Variants in POF1B observed in about 807,000 individuals in gnomAD.
POF1B encodes the protein POF1B actin binding protein.
A neutral mutation model predicts 55.3 loss-of-function variants in POF1B; 53 were observed. That is an observed-to-expected ratio of 0.96 (90% confidence interval 0.77 to 1.20). The LOEUF (loss-of-function observed/expected upper bound fraction) is 1.20. POF1B is among the 50% of genes most tolerant of loss of function. The pLI is 0.00. For missense variants in POF1B, 478 were observed against 420.5 expected, an observed-to-expected ratio of 1.14 and a Z score of -1.20; for synonymous variants, 188 against 148.3, an observed-to-expected ratio of 1.27 and a Z score of -1.95.
intron 3 of POF1B, among the ~76,000 whole-genome samples, chrX:85,362,152 A>G (rs1389533196): frequency 1.8e-5 from 2 of 111,255 alleles, no homozygotes; most frequent in Non-Finnish European, 3.8e-5. Flanking sequence ...GGCCAAGACT[A>G]TGGGAGTTTC....
chrX:85,352,163 T>G (rs748827745), intron 4 of POF1B, among the ~76,000 whole-genome samples: 1 of 111,238 alleles, frequency 9.0e-6, no homozygotes, highest in South Asian at 3.7e-4. Flanking sequence ...GACGAGCTAA[T>G]AAGAATCAGA....
At chrX:85,367,143 A>G (rs956534649) in intron 3 of POF1B, among the ~76,000 whole-genome samples, 1 of 111,256 alleles carries the variant, frequency 9.0e-6, no homozygotes, top group African/African-American at 3.3e-5. Flanking sequence ...TTTTTGATAT[A>G]TGGCAATTAC....
intron 3 of POF1B, among the ~76,000 whole-genome samples, chrX:85,363,750 G>T (rs1024455510): frequency 9.0e-6 from 1 of 111,195 alleles, no homozygotes. Flanking sequence ...GTTCCGTAGA[G>T]GTCTATCTGA....
At chrX:85,365,261 G>T (rs1419073879) in intron 3 of POF1B, among the ~76,000 whole-genome samples, 2 of 111,589 alleles carry the variant, frequency 1.8e-5, no homozygotes, top group African/African-American at 6.5e-5. Context: ...TGTTATTTCA[G>T]CCAGTTCAGG....
At chrX:85,321,997 T>A in intron 7 of POF1B, among the ~76,000 whole-genome samples, 1 of 110,082 alleles carries the variant, frequency 9.1e-6, no homozygotes, top group African/African-American at 3.3e-5. Context: ...AGAATCAATA[T>A]CGTGAAAATG....
chrX:85,285,536 C>T (rs1477660004), intron 15 of POF1B, among the ~76,000 whole-genome samples: 2 of 108,198 alleles, frequency 1.8e-5, no homozygotes, highest in Non-Finnish European at 3.8e-5. Context: ...TAATTCTGAG[C>T]AAACTACCGC....
chrX:85,351,427 C>T lies in POF1B; in HGVS notation c.463G>A (p.Gly155Arg). The T allele has an allele frequency of 8.4e-7, 1 of 1,191,602 alleles. No individual in the cohort carries two copies. Among genetic ancestry groups the T allele is most frequent in the East Asian group, 3.0e-5 (1 of 33,387 alleles). ...EQEPLSQFLR[G>R]SHFFPGNNVI... ...TTGTTTCCTGGGAAGAAATGGCTTC[C>T]TCTTAGGAATTGAGACAGTGGTTCC... The change falls in exon 5 of 17, where the codon GGA becomes AGA. Residue 155 changes from glycine to arginine, a missense_variant. Physicochemically the swap from Gly to Arg is moderately radical, Grantham distance 125. Transcript: ENST00000262753.
chrX:85,304,506 T>A (rs1304716533), intron 13 of POF1B, 35 bp from the exon 14 acceptor site: 3 of 891,392 alleles, frequency 3.4e-6, no homozygotes, highest in Non-Finnish European at 4.4e-6. Flanking sequence ...ATTATTATAA[T>A]CTTCATATAG....
chrX:85,361,594 G>C (rs200259842), intron 3 of POF1B, among the ~76,000 whole-genome samples: 1 of 111,529 alleles, frequency 9.0e-6, no homozygotes, highest in African/African-American at 3.3e-5. Context: ...CCAGTACCAT[G>C]CTGTTTTGGT....
At chrX:85,336,811 T>C (rs1423373089) in intron 6 of POF1B, among the ~76,000 whole-genome samples, 3 of 111,388 alleles carry the variant, frequency 2.7e-5, no homozygotes, top group Non-Finnish European at 5.7e-5. Flanking sequence ...TGTAATCCCA[T>C]TTGTTCATTT....
At chrX:85,316,905 C>T (rs1009545863) in intron 7 of POF1B, among the ~76,000 whole-genome samples, 1 of 110,122 alleles carries the variant, frequency 9.1e-6, no homozygotes, top group Admixed American at 9.7e-5. Context: ...GCCCCAGAGT[C>T]TGTTGTTCCC....
intron 15 of POF1B, among the ~76,000 whole-genome samples, chrX:85,287,127 A>T (rs1244284283): frequency 8.9e-6 from 1 of 111,768 alleles, no homozygotes; most frequent in African/African-American, 3.2e-5. Context: ...TATAGCATTC[A>T]AATTTTATAT....
intron 3 of POF1B, among the ~76,000 whole-genome samples, chrX:85,360,010 A>G (rs1418307908): frequency 1.8e-5 from 2 of 110,863 alleles, no homozygotes; most frequent in Non-Finnish European, 3.8e-5. Context: ...CATAAAGAGA[A>G]AAACGTGTAT....
At chrX:85,333,079 T>C (rs1018988285) in intron 6 of POF1B, among the ~76,000 whole-genome samples, 1 of 111,049 alleles carries the variant, frequency 9.0e-6, no homozygotes, top group African/African-American at 3.3e-5. Flanking sequence ...TATACATAAT[T>C]TTATTTTTTT....
Position 85,290,499 on chromosome X carries a change from A to C in POF1B, c.1650-8182T>G, listed in dbSNP as rs146514527. Among the ~76,000 whole-genome samples the C allele has an allele frequency of 1.2e-4, 13 of 111,347 alleles. No individual in the cohort carries two copies. In the East Asian group the frequency reaches 3.1e-3, roughly 27 times the overall value. The stretch of plus-strand genomic sequence containing the variant: ...AAATGAGAATGCTGGGTCAAATGGT[A>C]AACTCGTAGTTCTTTGAGGAATCTC... On this transcript the variant is annotated intron_variant, in intron 15 of 16. Coordinates refer to ENST00000262753, the MANE Select transcript of POF1B (RefSeq NM_024921.4).
At chrX:85,353,890 G>A (rs1933436032) in intron 4 of POF1B, among the ~76,000 whole-genome samples, 1 of 111,531 alleles carries the variant, frequency 9.0e-6, no homozygotes. Flanking sequence ...TTTTCAAGAA[G>A]CAGTAGGAAG....
intron 3 of POF1B, among the ~76,000 whole-genome samples, chrX:85,362,427 T>C (rs1389417320): frequency 8.9e-6 from 1 of 111,785 alleles, no homozygotes; most frequent in Non-Finnish European, 1.9e-5. Flanking sequence ...CTTCAATACC[T>C]AGTTTATTGA....
chrX:85,347,259 G>T (rs1317348928), intron 5 of POF1B, among the ~76,000 whole-genome samples: 3 of 111,117 alleles, frequency 2.7e-5, no homozygotes, highest in African/African-American at 9.8e-5. Context: ...AATTTTGAAA[G>T]TAAAAATGCA....
At chrX:85,323,491 T>C (rs113522062) in intron 7 of POF1B, among the ~76,000 whole-genome samples, 2 of 108,408 alleles carry the variant, frequency 1.8e-5, no homozygotes, top group Admixed American at 2.0e-4. Flanking sequence ...ATATACCTAA[T>C]GCTAAATGAC....
Sources: gnomAD v4.1 joint callset for allele counts (sites outside exome capture counted in the v4.1 genomes callset) on GRCh38, gnomAD v4.1.1 for gene constraint, MANE v1.5 for transcripts, NCBI Gene and HGNC (gene_info 2026-07-23, HGNC 2026-07-21) for gene names.